CCDC141: variants seen among roughly 807,000 people sequenced by gnomAD.
CCDC141 encodes the protein coiled-coil domain-containing protein 141.
Under a neutral mutation model 181.0 loss-of-function variants are expected in CCDC141, and 168 were observed. That is an observed-to-expected ratio of 0.93 (90% confidence interval 0.82 to 1.05). The LOEUF (loss-of-function observed/expected upper bound fraction) is 1.05. CCDC141 is among the 50% of genes least tolerant of loss of function. The pLI is 0.00. For missense variants in CCDC141, 1,902 were observed against 1,788.5 expected, an observed-to-expected ratio of 1.06 and a Z score of -1.14; for synonymous variants, 666 against 642.3, an observed-to-expected ratio of 1.04 and a Z score of -0.56.
intron 4 of CCDC141, among the ~76,000 whole-genome samples, chr2:178,967,252 A>C (rs1690680492): frequency 6.6e-6 from 1 of 152,194 alleles, no homozygotes; most frequent in Non-Finnish European, 1.5e-5. Context: ...AATACAGAGA[A>C]CACCACAAAG....
Position 178,957,093 on chromosome 2 carries a change from G to A in CCDC141, c.780+4137C>T, listed in dbSNP as rs1176657813. Among the ~76,000 whole-genome samples the A allele has an allele frequency of 7.2e-5, 11 of 152,028 alleles. No individual in the cohort carries two copies. In the South Asian group the frequency reaches 1.0e-3, roughly 14 times the overall value. On this transcript the variant is annotated intron_variant, in intron 5 of 23. Transcript: ENST00000443758. ...GTTTCTCCATGTTGAGGCTGATCTC[G>A]AACTCCTGATCTCAGGCAATCCACC... is the stretch of plus-strand genomic sequence containing the variant.
chr2:179,015,099 T>TCATATATATATATC lies in CCDC141; in HGVS notation c.225+32184_225+32185insGATATATATATATG, dbSNP rs1186913665. On this transcript the variant is annotated intron_variant, in intron 2 of 23. Coordinates refer to ENST00000443758, the MANE Select transcript of CCDC141 (RefSeq NM_173648.4). ...ATATATATATATATATATATATATA[T>TCATATATATATATC]ATATAATATATATATAATCATATAT... Among the ~76,000 whole-genome samples the TCATATATATATATC allele has an allele frequency of 9.9e-5, 5 of 50,534 alleles. 1 individual carries two copies. Among genetic ancestry groups the TCATATATATATATC allele is most frequent in the African/African-American group, 2.9e-4 (5 of 17,184 alleles). 33.2% of individuals were successfully genotyped at this position (50,534 alleles called of 152,430 possible). A position where few individuals can be genotyped will look rare whatever the true frequency, so the allele number is the denominator to read the frequency against.
intron 2 of CCDC141, among the ~76,000 whole-genome samples, chr2:178,979,039 G>A (rs1046764428): frequency 4.6e-5 from 7 of 152,082 alleles, no homozygotes; most frequent in Admixed American, 1.3e-4. Context: ...AAGAATAAAG[G>A]TTGTGAGAAA....
intron 22 of CCDC141, among the ~76,000 whole-genome samples, chr2:178,839,182 G>T (rs749492977): frequency 2.0e-5 from 3 of 152,112 alleles, no homozygotes; most frequent in Admixed American, 2.0e-4. Context: ...GGGAGGCCAA[G>T]GTAGGGGGAT....
chr2:179,014,224 G>C (rs909304581), intron 2 of CCDC141, among the ~76,000 whole-genome samples: 5 of 152,038 alleles, frequency 3.3e-5, no homozygotes, highest in African/African-American at 9.7e-5. Flanking sequence ...GCCAATGTAG[G>C]AGAATGAAAC....
At position 179,050,022 on chromosome 2, in the gene CCDC141, T is replaced by C. The variant is rs991292318; in HGVS notation, c.-81A>G. ...GCTGGTCATTTCAGAAGGCCAGGGTTACTTGGATTCATTCAGGGAAAGAGC... is the reference window on the plus strand; with the variant it reads ...GCTGGTCATTTCAGAAGGCCAGGGTCACTTGGATTCATTCAGGGAAAGAGC... On this transcript the variant is annotated 5_prime_UTR_variant, in exon 1 of 24. Coordinates refer to ENST00000443758, the MANE Select transcript of CCDC141 (RefSeq NM_173648.4). 3 of 1,539,084 alleles carry C rather than the reference T, an allele frequency of 1.9e-6. No homozygotes were observed. The highest frequency in any genetic ancestry group is 1.8e-6 in the Non-Finnish European group (2 of 1,140,796).
intron 14 of CCDC141, 99 bp from the exon 15 acceptor site, chr2:178,869,404 T>A (rs1686007301): frequency 1.2e-6 from 1 of 843,598 alleles, no homozygotes; most frequent in East Asian, 2.9e-5. Context: ...ACTCTTTCAT[T>A]TGTTAACAAA....
chr2:178,869,354 T>TA, intron 14 of CCDC141, 49 bp from the exon 15 acceptor site: 1 of 1,386,716 alleles, frequency 7.2e-7, no homozygotes, highest in Non-Finnish European at 9.8e-7. Context: ...AGAACTTTTT[T>TA]ACTTTACAAC....
At chr2:178,980,368 T>C (rs1161959226) in intron 2 of CCDC141, among the ~76,000 whole-genome samples, 1 of 152,152 alleles carries the variant, frequency 6.6e-6, no homozygotes, top group East Asian at 1.9e-4. Flanking sequence ...GAGAATGGCA[T>C]GAACCCAGGA....
intron 11 of CCDC141, among the ~76,000 whole-genome samples, chr2:178,882,347 C>T (rs1686663356): frequency 6.6e-6 from 1 of 151,996 alleles, no homozygotes; most frequent in Non-Finnish European, 1.5e-5. Context: ...CCAGCGTGGG[C>T]AACAAGAGCG....
rs537582511 is a variant in CCDC141 at position 178,972,322 on chromosome 2, C to T, written c.526+2735G>A. ...TTTTGCATCATTCTGCCATGTCGTA[C>T]ATTGGAATTATATACAAATAACACG... On this transcript the variant is annotated intron_variant, in intron 4 of 23. Coordinates refer to ENST00000443758, the MANE Select transcript of CCDC141 (RefSeq NM_173648.4). Among the ~76,000 whole-genome samples, 10 of 152,240 alleles carry T rather than the reference C, an allele frequency of 6.6e-5. No individual in the cohort carries two copies. In the South Asian group the frequency reaches 1.2e-3, roughly 19 times the overall value.
At chr2:178,983,111 G>A (rs79551812) in intron 2 of CCDC141, among the ~76,000 whole-genome samples, 7,092 of 152,238 alleles carry the variant, frequency 0.047, 208 homozygotes, top group South Asian at 0.078. Flanking sequence ...TACGCAGCTG[G>A]AGATCTGAGA....
chr2:179,048,785 G>A lies in CCDC141; in HGVS notation c.102+1055C>T, dbSNP rs550897819. 1.1e-4 allele frequency among the ~76,000 whole-genome samples: 17 copies of A among 152,200 alleles called. No homozygotes were observed. In the East Asian group the frequency reaches 1.4e-3, roughly 12 times the overall value. Reference sequence around the variant, plus strand: ...CTCACAACACCAGAAAATCCACCTCGGCAGGAATACTTTCCATTCTGTCCT... The same window carrying A: ...CTCACAACACCAGAAAATCCACCTCAGCAGGAATACTTTCCATTCTGTCCT... On this transcript the variant is annotated intron_variant, in intron 1 of 23. Transcript: ENST00000443758.
chr2:178,869,831 T>G (rs1686030698), intron 14 of CCDC141, among the ~76,000 whole-genome samples: 1 of 152,168 alleles, frequency 6.6e-6, no homozygotes, highest in Non-Finnish European at 1.5e-5. Flanking sequence ...GATCCACAAA[T>G]AGCCATCACA....
intron 5 of CCDC141, among the ~76,000 whole-genome samples, chr2:178,953,062 A>T (rs920908284): frequency 4.6e-5 from 7 of 152,236 alleles, no homozygotes; most frequent in African/African-American, 1.7e-4. Flanking sequence ...GGGAACCAGT[A>T]CTCAACTCCA....
Position 178,832,399 on chromosome 2 carries a change from G to A in CCDC141, c.*1774C>T, listed in dbSNP as rs12693169. The stretch of plus-strand genomic sequence containing the variant: ...TGAAGCAGGAGAATTGCTTGAACCC[G>A]GAGGTGGAGGTTGCAGTGAGCCAAG... On this transcript the variant is annotated 3_prime_UTR_variant, in exon 24 of 24. Transcript: ENST00000443758. The A allele has an allele frequency of 0.6, 89,408 of 148,092 alleles. 27,412 individuals are homozygous for A. The highest frequency in any genetic ancestry group is 0.8 in the East Asian group (3,993 of 4,984). 9.2% of individuals were successfully genotyped at this position (148,092 alleles called of 1,614,324 possible).
At chr2:178,981,873 A>T (rs762071908) in intron 2 of CCDC141, among the ~76,000 whole-genome samples, 1 of 151,404 alleles carries the variant, frequency 6.6e-6, no homozygotes, top group Non-Finnish European at 1.5e-5. Context: ...GAAAAGATCA[A>T]TAAAATTGAT....
At position 178,907,573 on chromosome 2, in the gene CCDC141, C is replaced by T. The variant is rs371520623; in HGVS notation, c.1093-2072G>A. On this transcript the variant is annotated intron_variant, in intron 7 of 23. Transcript: ENST00000443758. ...GAAAGGTTGAGAGATTTCTCTTATA[C>T]TATAGGACTGTAAAAGAAAGAGAAC... Among the ~76,000 whole-genome samples, 58 of 152,294 alleles carry T rather than the reference C, an allele frequency of 3.8e-4. No individual in the cohort carries two copies. The South Asian group carries it at 9.3e-3, about 24-fold the overall frequency.
intron 7 of CCDC141, among the ~76,000 whole-genome samples, chr2:178,914,227 G>A (rs1688344364): frequency 6.6e-6 from 1 of 152,146 alleles, no homozygotes; most frequent in South Asian, 2.1e-4. Context: ...GATAATTAGA[G>A]GAACTTTTCT....
Sources: gnomAD v4.1 joint callset for allele counts (sites outside exome capture counted in the v4.1 genomes callset) on GRCh38, gnomAD v4.1.1 for gene constraint, MANE v1.5 for transcripts, NCBI Gene and HGNC (gene_info 2026-07-23, HGNC 2026-07-21) for gene names.